PARD3B: variants seen among roughly 807,000 people sequenced by gnomAD.
PARD3B encodes the protein par-3 family cell polarity regulator beta, also known as partitioning defective 3 homolog B.
PARD3B carries 103 observed loss-of-function variants against 130.2 expected under a neutral mutation model. That is an observed-to-expected ratio of 0.79 (90% CI 0.67 to 0.93). PARD3B has a LOEUF of 0.93. Ranked by LOEUF, PARD3B falls within the 40% of genes least tolerant of loss-of-function variation. The pLI is 0.00. For synonymous variants in PARD3B, 583 were observed against 553.2 expected, an observed-to-expected ratio of 1.05 and a Z score of -0.76; for missense variants, 1,609 against 1,499.2, an observed-to-expected ratio of 1.07 and a Z score of -1.21.
chr2:204,656,120 A>G (rs933010860), intron 1 of PARD3B, among the ~76,000 whole-genome samples: 4 of 152,260 alleles, frequency 2.6e-5, no homozygotes, highest in South Asian at 2.1e-4. Context: ...GCAGCATTCT[A>G]TTGGCCACTG....
chr2:204,868,668 A>G (rs966921502), intron 2 of PARD3B, among the ~76,000 whole-genome samples: 1 of 152,202 alleles, frequency 6.6e-6, no homozygotes, highest in Admixed American at 6.5e-5. Flanking sequence ...TGAATTACAC[A>G]TCAATATCAC....
intron 1 of PARD3B, among the ~76,000 whole-genome samples, chr2:204,596,275 A>G (rs1205813221): frequency 6.6e-6 from 1 of 152,188 alleles, no homozygotes; most frequent in Non-Finnish European, 1.5e-5. Context: ...ACAAGTATCC[A>G]TCATCCAGCT....
At chr2:204,727,279 T>G (rs1447968943) in intron 2 of PARD3B, among the ~76,000 whole-genome samples, 1 of 152,202 alleles carries the variant, frequency 6.6e-6, no homozygotes, top group Non-Finnish European at 1.5e-5. Flanking sequence ...AGATGAGGAT[T>G]CATTAAGAGC....
chr2:204,803,265 G>T (rs905271447), intron 2 of PARD3B, among the ~76,000 whole-genome samples: 2 of 150,702 alleles, frequency 1.3e-5, no homozygotes, highest in African/African-American at 4.9e-5. Context: ...ACACCAGACC[G>T]GTTCTATAAG....
Position 205,462,490 on chromosome 2 carries a change from T to C in PARD3B, c.3044+21818T>C, listed in dbSNP as rs146315027. ...CTCTTAACCACCAGTGTGTCACCTA[T>C]ACCACGTGTCTGAGGAATTCAGAGG... is the stretch of plus-strand genomic sequence containing the variant. On this transcript the variant is annotated intron_variant, in intron 20 of 22. Coordinates refer to ENST00000406610, the MANE Select transcript of PARD3B (RefSeq NM_001302769.2). Among the ~76,000 whole-genome samples, 381 of 152,312 alleles carry C rather than the reference T, an allele frequency of 2.5e-3. 1 individual carries two copies. The highest frequency in any genetic ancestry group is 8.6e-3 in the African/African-American group (357 of 41,558).
At chr2:205,039,351 T>G (rs527730012) in intron 3 of PARD3B, among the ~76,000 whole-genome samples, 1 of 152,222 alleles carries the variant, frequency 6.6e-6, no homozygotes, top group Admixed American at 6.5e-5. Context: ...TTACCAGATA[T>G]GTCCTTGTGA....
At chr2:204,553,162 A>G (rs1178324106) in intron 1 of PARD3B, among the ~76,000 whole-genome samples, 1 of 152,178 alleles carries the variant, frequency 6.6e-6, no homozygotes, top group African/African-American at 2.4e-5. Flanking sequence ...AAAAATGCTC[A>G]ACATCACTAA....
At chr2:204,652,167 C>A (rs2035502533) in intron 1 of PARD3B, among the ~76,000 whole-genome samples, 1 of 152,052 alleles carries the variant, frequency 6.6e-6, no homozygotes, top group African/African-American at 2.4e-5. Flanking sequence ...TTTGAATCAC[C>A]CCCACCCCCG....
chr2:204,720,618 C>CA (rs1257065989), intron 2 of PARD3B, among the ~76,000 whole-genome samples: 1 of 151,876 alleles, frequency 6.6e-6, no homozygotes, highest in Non-Finnish European at 1.5e-5. Context: ...AAGACAAAAG[C>CA]AAAAGGGAAA....
At chr2:205,353,485 CA>C (rs1163010116) in intron 18 of PARD3B, among the ~76,000 whole-genome samples, 1 of 151,498 alleles carries the variant, frequency 6.6e-6, no homozygotes, top group Non-Finnish European at 1.5e-5. Context: ...CTGGTATACT[CA>C]GTAAATTCCT....
rs997512896 is a variant in PARD3B, at chr2:205,158,538, A to T, written c.1435-184A>T. Among the ~76,000 whole-genome samples the T allele has an allele frequency of 6.6e-6, 1 of 152,132 alleles. No individual in the cohort carries two copies. The highest frequency in any genetic ancestry group is 1.5e-5 in the Non-Finnish European group (1 of 68,022). On this transcript the variant is annotated intron_variant, in intron 10 of 22. Transcript: ENST00000406610. This position sits in a 1 kb window ranked among gnomAD's most constrained non-coding sequence, Gnocchi z 5.4. Reference sequence around the variant, plus strand: ...TCCCTGAAACCTCTTCCCCTGCTCCATGGATGTGACTGTGGCTCCTTGTGG... The same window carrying T: ...TCCCTGAAACCTCTTCCCCTGCTCCTTGGATGTGACTGTGGCTCCTTGTGG...
chr2:205,275,084 CT>C (rs1346320531), intron 16 of PARD3B, among the ~76,000 whole-genome samples: 2 of 151,860 alleles, frequency 1.3e-5, no homozygotes, highest in Non-Finnish European at 2.9e-5. Flanking sequence ...AGGCTCGCTT[CT>C]GATTTCAGAC....
At chr2:204,753,374 T>G (rs2040539349) in intron 2 of PARD3B, among the ~76,000 whole-genome samples, 1 of 152,172 alleles carries the variant, frequency 6.6e-6, no homozygotes, top group Non-Finnish European at 1.5e-5. Context: ...TATTAAATGA[T>G]TCATAATTTG....
chr2:205,353,572 G>T (rs1286646509), intron 18 of PARD3B, among the ~76,000 whole-genome samples: 2 of 152,114 alleles, frequency 1.3e-5, no homozygotes, highest in Non-Finnish European at 2.9e-5. Context: ...TACATGCTTT[G>T]TCAAAGAAGT....
At chr2:205,227,166 GA>G (rs2038600069) in intron 15 of PARD3B, among the ~76,000 whole-genome samples, 1 of 152,052 alleles carries the variant, frequency 6.6e-6, no homozygotes. Flanking sequence ...GCCATTGTGG[GA>G]AATGTTCTAT....
At chr2:204,901,411 G>C (rs1209997153) in intron 2 of PARD3B, among the ~76,000 whole-genome samples, 1 of 152,004 alleles carries the variant, frequency 6.6e-6, no homozygotes, top group Non-Finnish European at 1.5e-5. Context: ...GGCTACTGCT[G>C]GTGTTCATTC....
intron 18 of PARD3B, among the ~76,000 whole-genome samples, chr2:205,327,624 C>T (rs2042980294): frequency 6.6e-6 from 1 of 152,168 alleles, no homozygotes. Flanking sequence ...CATACTCCTC[C>T]CTTTTTTTAC....
At chr2:205,202,906 A>G (rs1559538195) in intron 15 of PARD3B, among the ~76,000 whole-genome samples, 1 of 152,160 alleles carries the variant, frequency 6.6e-6, no homozygotes, top group Non-Finnish European at 1.5e-5. Flanking sequence ...TCCTAAAGTT[A>G]AGTATTATGA....
At chr2:204,715,484 C>CTTTTTTTTTTTT (rs77864369) in intron 2 of PARD3B, among the ~76,000 whole-genome samples, 2 of 135,534 alleles carry the variant, frequency 1.5e-5, no homozygotes, top group African/African-American at 2.7e-5. Flanking sequence ...TGCTGTTTTT[C>CTTTTTTTTTTTT]TTTTTTTTTT....
Sources: allele counts gnomAD v4.1 joint callset (sites outside exome capture counted in the v4.1 genomes callset), GRCh38; gene constraint gnomAD v4.1.1; non-coding constraint Gnocchi (gnomAD v3.1); transcripts MANE v1.5; gene names NCBI Gene and HGNC (gene_info 2026-07-23, HGNC 2026-07-21).